MTMR7: variants seen among roughly 807,000 people sequenced by gnomAD.
The protein encoded by MTMR7 is myotubularin related protein 7.
MTMR7 carries 76 observed loss-of-function variants against 81.2 expected under a neutral mutation model. The observed-to-expected ratio is 0.94, with a 90% CI of 0.78 to 1.13. MTMR7 has a LOEUF of 1.13. MTMR7 is among the 50% of genes most tolerant of loss of function. MTMR7 has a pLI of 0.00. For missense variants in MTMR7, 1,044 were observed against 820.0 expected (o/e 1.27, Z -3.34); for synonymous variants, 372 against 289.8 (o/e 1.28, Z -2.88).
At chr8:17,311,736 C>A in intron 8 of MTMR7, 100 bp from the exon 9 acceptor site, 1 of 1,554,762 alleles carries the variant, frequency 6.4e-7, no homozygotes, top group South Asian at 1.2e-5. Flanking sequence ...CAGAAAGAAA[C>A]AGCCAAAACG....
At chr8:17,403,272 T>C (rs1034551548) in intron 1 of MTMR7, among the ~76,000 whole-genome samples, 1 of 152,176 alleles carries the variant, frequency 6.6e-6, no homozygotes, top group African/African-American at 2.4e-5. Flanking sequence ...GATATATGGG[T>C]CTAGTTTCAT....
chr8:17,302,416 T>A, intron 12 of MTMR7, 136 bp from the exon 13 acceptor site: 1 of 886,262 alleles, frequency 1.1e-6, no homozygotes, highest in Non-Finnish European at 1.6e-6. Context: ...AAAAAGCCAC[T>A]ACTTAAGGTA....
In MTMR7 at chr8:17,332,476, C is replaced by A. The variant is rs376190748; in HGVS notation, c.733-1194G>T. Reference sequence around the variant, plus strand: ...TCATGCCCTGACCTGCGAGCAGTGACCAAGAAGGAGGGCACAGATCACACA... The same window carrying A: ...TCATGCCCTGACCTGCGAGCAGTGAACAAGAAGGAGGGCACAGATCACACA... On this transcript the variant is annotated intron_variant, in intron 6 of 13. Coordinates refer to ENST00000180173, the MANE Select transcript of MTMR7 (RefSeq NM_004686.5). 3.8e-4 allele frequency among the ~76,000 whole-genome samples: 58 copies of A among 152,204 alleles called. No individual in the cohort carries two copies. The South Asian group carries it at 0.012, about 30-fold the overall frequency.
At chr8:17,349,658 CT>C (rs1819665739) in intron 4 of MTMR7, among the ~76,000 whole-genome samples, 1 of 152,202 alleles carries the variant, frequency 6.6e-6, no homozygotes, top group South Asian at 2.1e-4. Flanking sequence ...CGGGAAGCTT[CT>C]TCCTTGACCT....
chr8:17,302,635 A>G (rs1380871130), intron 12 of MTMR7, among the ~76,000 whole-genome samples: 1 of 145,040 alleles, frequency 6.9e-6, no homozygotes, highest in Non-Finnish European at 1.5e-5. Flanking sequence ...CTACAAAGGG[A>G]ATCTTAAACT....
intron 12 of MTMR7, among the ~76,000 whole-genome samples, chr8:17,303,686 C>T (rs994934670): frequency 7.3e-5 from 11 of 151,678 alleles, no homozygotes; most frequent in African/African-American, 1.2e-4. Context: ...CTCGGCTCAC[C>T]GCAACCTCCT....
intron 5 of MTMR7, among the ~76,000 whole-genome samples, chr8:17,347,268 T>C (rs551937015): frequency 6.6e-6 from 1 of 151,660 alleles, no homozygotes; most frequent in East Asian, 1.9e-4. Flanking sequence ...CTGAAATACA[T>C]TCAGAGTTAA....
chr8:17,407,689 G>T (rs1434172600), intron 1 of MTMR7, among the ~76,000 whole-genome samples: 1 of 151,786 alleles, frequency 6.6e-6, no homozygotes, highest in Non-Finnish European at 1.5e-5. Context: ...AATTGAACTG[G>T]GTGATCCTAA....
At chr8:17,393,486 G>C (rs1821161469) in intron 1 of MTMR7, among the ~76,000 whole-genome samples, 1 of 152,148 alleles carries the variant, frequency 6.6e-6, no homozygotes, top group Non-Finnish European at 1.5e-5. Flanking sequence ...GAATTATTTA[G>C]TACCCCAAAT....
chr8:17,325,468 T>C (rs1370761393), intron 7 of MTMR7, among the ~76,000 whole-genome samples: 2 of 152,170 alleles, frequency 1.3e-5, no homozygotes, highest in South Asian at 2.1e-4. Flanking sequence ...TCAGGGAACA[T>C]TTTTTTAAGT....
chr8:17,304,953 C>T (rs1010639871), intron 11 of MTMR7, among the ~76,000 whole-genome samples: 2 of 152,028 alleles, frequency 1.3e-5, no homozygotes, highest in African/African-American at 2.4e-5. Flanking sequence ...TCCCAAAGTC[C>T]TATAGCTAGT....
chr8:17,306,714 A>G (rs1386134866), intron 10 of MTMR7, among the ~76,000 whole-genome samples: 3 of 152,166 alleles, frequency 2.0e-5, no homozygotes, highest in Non-Finnish European at 4.4e-5. Flanking sequence ...AAGAGGAATG[A>G]GCAATGATCA....
At chr8:17,401,288 C>T (rs1299035405) in intron 1 of MTMR7, among the ~76,000 whole-genome samples, 2 of 152,032 alleles carry the variant, frequency 1.3e-5, no homozygotes, top group Admixed American at 6.6e-5. Flanking sequence ...GGGAGCAAAC[C>T]ATCTGCACAT....
intron 1 of MTMR7, among the ~76,000 whole-genome samples, chr8:17,393,925 T>C (rs1391828031): frequency 6.6e-6 from 1 of 152,204 alleles, no homozygotes; most frequent in African/African-American, 2.4e-5. Flanking sequence ...AGAAGACATA[T>C]GAATAGCTAA....
At chr8:17,331,357 T>A (rs1212988738) in intron 6 of MTMR7, 75 bp from the exon 7 acceptor site, 1 of 1,438,732 alleles carries the variant, frequency 7.0e-7, no homozygotes, top group African/African-American at 1.4e-5. Flanking sequence ...AAACATTTCA[T>A]GGATACCCAA....
chr8:17,341,225 A>G (rs1035370606), intron 6 of MTMR7, 138 bp downstream of exon 6: 1 of 1,128,670 alleles, frequency 8.9e-7, no homozygotes, highest in Non-Finnish European at 1.2e-6. Context: ...CAGGGTGCCC[A>G]GACACTGACT....
intron 3 of MTMR7, 140 bp from the exon 4 acceptor site, chr8:17,361,414 T>G (rs1820056803): frequency 7.2e-6 from 6 of 828,702 alleles, no homozygotes; most frequent in Non-Finnish European, 1.1e-5. Flanking sequence ...GGGAGTAACC[T>G]GTGTGCAGTG....
chr8:17,307,169 A>T (rs10107578), intron 10 of MTMR7, among the ~76,000 whole-genome samples: 1 of 151,824 alleles, frequency 6.6e-6, no homozygotes, highest in African/African-American at 2.4e-5. Flanking sequence ...CCAGAATCTA[A>T]AATGAACTCA....
chr8:17,341,229 A>T (rs1357405519), intron 6 of MTMR7, 134 bp downstream of exon 6: 1 of 1,183,978 alleles, frequency 8.4e-7, no homozygotes, highest in South Asian at 1.5e-5. Context: ...GTGCCCAGAC[A>T]CTGACTATGC....
Sources: gnomAD v4.1 joint callset for allele counts (sites outside exome capture counted in the v4.1 genomes callset) on GRCh38, gnomAD v4.1.1 for gene constraint, MANE v1.5 for transcripts, NCBI Gene and HGNC (gene_info 2026-07-23, HGNC 2026-07-21) for gene names.